LIPA: variants seen among roughly 807,000 people sequenced by gnomAD.
The protein encoded by LIPA is lipase A, lysosomal acid type.
LIPA carries 26 observed loss-of-function variants against 40.6 expected under a neutral mutation model. The observed-to-expected ratio is 0.64, with a 90% CI of 0.47 to 0.89. The LOEUF (loss-of-function observed/expected upper bound fraction) is 0.89. Ranked by LOEUF, LIPA falls within the 40% of genes least tolerant of loss-of-function variation. The pLI is 0.00. For missense variants in LIPA, 455 were observed against 479.6 expected (o/e 0.95, Z 0.48); for synonymous variants, 188 against 168.4 (o/e 1.12, Z -0.90).
chr10:89,314,760 A>G (rs1431286890), intron 1 of LIPA: 2 of 152,244 alleles, frequency 1.3e-5, no homozygotes, highest in African/African-American at 2.4e-5. Context: ...ATTCATGAGT[A>G]CTTTTTGAGC....
intron 1 of LIPA, among the ~76,000 whole-genome samples, chr10:89,300,515 C>A (rs1022705942): frequency 1.3e-5 from 2 of 152,148 alleles, no homozygotes; most frequent in Non-Finnish European, 2.9e-5. Context: ...GTAACAAACA[C>A]TCACATGCAA....
chr10:89,264,944 A>C (rs1843227506), intron 1 of LIPA, among the ~76,000 whole-genome samples: 1 of 152,102 alleles, frequency 6.6e-6, no homozygotes, highest in Non-Finnish European at 1.5e-5. Flanking sequence ...AGGGGAACCC[A>C]CAGGCCCATG....
intron 1 of LIPA, among the ~76,000 whole-genome samples, chr10:89,335,708 G>C (rs1461243112): frequency 2.6e-5 from 4 of 151,722 alleles, no homozygotes; most frequent in Admixed American, 1.3e-4. Flanking sequence ...TTTTTTTCAG[G>C]CACCCATATG....
chr10:89,315,069 T>C (rs929792067), intron 1 of LIPA, among the ~76,000 whole-genome samples: 1 of 152,134 alleles, frequency 6.6e-6, no homozygotes, highest in Non-Finnish European at 1.5e-5. Context: ...ATGTTTAGGG[T>C]TTCAAGTCCA....
intron 3 of LIPA, among the ~76,000 whole-genome samples, chr10:89,241,331 T>C (rs905010363): frequency 6.6e-6 from 1 of 152,164 alleles, no homozygotes; most frequent in East Asian, 1.9e-4. Flanking sequence ...GAGTGCTACA[T>C]GAGCCTGAGC....
intron 2 of LIPA, chr10:89,384,400 T>C: frequency 1.9e-6 from 3 of 1,614,120 alleles, no homozygotes; most frequent in Non-Finnish European, 2.5e-6. Flanking sequence ...TGAGGAACAT[T>C]TTCAGAAAGG....
chr10:89,352,661 A>G (rs1293769956), intron 2 of LIPA, among the ~76,000 whole-genome samples: 1 of 152,152 alleles, frequency 6.6e-6, no homozygotes, highest in Non-Finnish European at 1.5e-5. Context: ...GAAAATTTTA[A>G]TAGACACATG....
chr10:89,402,431 G>A, intron 2 of LIPA: 1 of 1,614,162 alleles, frequency 6.2e-7, no homozygotes, highest in Non-Finnish European at 8.5e-7. Context: ...AATACAGTGT[G>A]GGAATACACA....
intron 3 of LIPA, among the ~76,000 whole-genome samples, chr10:89,229,912 A>G (rs932286854): frequency 2.6e-5 from 4 of 152,196 alleles, no homozygotes; most frequent in African/African-American, 7.2e-5. Flanking sequence ...CTTCCACTCA[A>G]TTTTGCTATG....
intron 3 of LIPA, among the ~76,000 whole-genome samples, chr10:89,241,402 A>G (rs1471639610): frequency 6.6e-6 from 1 of 152,178 alleles, no homozygotes; most frequent in Non-Finnish European, 1.5e-5. Context: ...CGGCACCACC[A>G]GGGGTGAGGA....
intron 1 of LIPA, among the ~76,000 whole-genome samples, chr10:89,338,456 T>C (rs1388379936): frequency 1.3e-5 from 2 of 152,206 alleles, no homozygotes; most frequent in African/African-American, 2.4e-5. Flanking sequence ...CCACCCATAC[T>C]GGGGAGAGCA....
intron 2 of LIPA, among the ~76,000 whole-genome samples, chr10:89,412,274 C>T (rs1279036969): frequency 1.3e-5 from 2 of 152,152 alleles, no homozygotes; most frequent in Non-Finnish European, 2.9e-5. Context: ...TTCTGTCTAG[C>T]TAAAGGATTG....
At chr10:89,254,851 C>A (rs1258926319), upstream of LIPA, among the ~76,000 whole-genome samples, 1 of 152,200 alleles carries the variant, frequency 6.6e-6, no homozygotes, top group Non-Finnish European at 1.5e-5. Flanking sequence ...ATCTCTAGGG[C>A]AGGGACAAAA....
intron 3 of LIPA, among the ~76,000 whole-genome samples, chr10:89,236,967 G>T (rs1296902795): frequency 6.6e-6 from 1 of 152,204 alleles, no homozygotes; most frequent in African/African-American, 2.4e-5. Context: ...TTACAAAGAG[G>T]TTTGGCTTTT....
intron 2 of LIPA, among the ~76,000 whole-genome samples, chr10:89,394,667 A>G (rs1844315090): frequency 7.0e-6 from 1 of 143,726 alleles, no homozygotes; most frequent in African/African-American, 2.7e-5. Context: ...GTGATTTTTT[A>G]TTGTGATAAA....
upstream of LIPA, among the ~76,000 whole-genome samples, chr10:89,347,196 T>C (rs1188651553): frequency 2.6e-5 from 4 of 152,132 alleles, no homozygotes; most frequent in African/African-American, 9.7e-5. Flanking sequence ...AGGTATAGGT[T>C]TCCAAGAGGG....
At chr10:89,299,527 A>C (rs60607135) in intron 1 of LIPA, among the ~76,000 whole-genome samples, 2 of 152,202 alleles carry the variant, frequency 1.3e-5, no homozygotes, top group South Asian at 4.1e-4. Context: ...GATACAGTGA[A>C]AAACGTTCTT....
chr10:89,277,545 TAATG>T (rs1843295017), intron 1 of LIPA, among the ~76,000 whole-genome samples: 2 of 152,152 alleles, frequency 1.3e-5, no homozygotes, highest in African/African-American at 4.8e-5. Flanking sequence ...CTGAGTGAAT[TAATG>T]AATGAATAAA....
At chr10:89,363,774 C>CAAAAAAAA (rs760221407) in intron 2 of LIPA, among the ~76,000 whole-genome samples, 1 of 93,104 alleles carries the variant, frequency 1.1e-5, no homozygotes, top group Non-Finnish European at 2.0e-5. Context: ...CAGACTCCAT[C>CAAAAAAAA]AAAAAAAAAA....
Sources: allele counts gnomAD v4.1 joint callset (sites outside exome capture counted in the v4.1 genomes callset), GRCh38; gene constraint gnomAD v4.1.1; transcripts MANE v1.5; gene names NCBI Gene and HGNC (gene_info 2026-07-23, HGNC 2026-07-21).